Variants in STX2 observed in about 807,000 individuals in gnomAD.
STX2 encodes syntaxin-2.
A neutral mutation model predicts 40.6 loss-of-function variants in STX2; 27 were observed. The ratio of observed to expected loss-of-function variants is 0.66; its 90% confidence interval spans 0.49 to 0.92. The LOEUF (loss-of-function observed/expected upper bound fraction) is 0.92, where lower values mean the gene tolerates loss of function less well. Ranked by LOEUF, STX2 falls within the 40% of genes least tolerant of loss-of-function variation. The pLI, the probability that STX2 is intolerant of heterozygous loss-of-function variation, is 0.00. For synonymous variants in STX2, 123 were observed against 119.1 expected, an observed-to-expected ratio of 1.03 and a Z score of -0.22; for missense variants, 328 against 366.1, an observed-to-expected ratio of 0.90 and a Z score of 0.85.
chr12:130,798,222 C>A (rs1951093055), intron 9 of STX2, among the ~76,000 whole-genome samples: 1 of 146,188 alleles, frequency 6.8e-6, no homozygotes, highest in Non-Finnish European at 1.5e-5. Context: ...ACTCTACTAG[C>A]CTGGGCAACA....
chr12:130,803,463 T>C (rs1951302418), intron 6 of STX2, among the ~76,000 whole-genome samples: 1 of 151,964 alleles, frequency 6.6e-6, no homozygotes, highest in Non-Finnish European at 1.5e-5. Flanking sequence ...TCATCAAAAC[T>C]AGAAATTTCA....
intron 3 of STX2, among the ~76,000 whole-genome samples, chr12:130,815,708 C>T (rs1951831977): frequency 1.3e-5 from 2 of 152,316 alleles, no homozygotes; most frequent in Admixed American, 6.5e-5. Flanking sequence ...ATCACAGCAC[C>T]TCATCAGCTT....
intron 9 of STX2, among the ~76,000 whole-genome samples, chr12:130,796,406 A>G (rs1397294457): frequency 6.6e-6 from 1 of 152,164 alleles, no homozygotes; most frequent in African/African-American, 2.4e-5. Context: ...GAATCACTTG[A>G]ACCCAGGAGG....
intron 10 of STX2, among the ~76,000 whole-genome samples, chr12:130,795,561 C>T (rs963887285): frequency 6.6e-6 from 1 of 152,018 alleles, no homozygotes; most frequent in Non-Finnish European, 1.5e-5. Context: ...AGAGAGTTCT[C>T]GTCTCTACTA....
At chr12:130,821,490 T>C (rs1952111305) in intron 3 of STX2, among the ~76,000 whole-genome samples, 199 bp downstream of exon 3, 1 of 152,002 alleles carries the variant, frequency 6.6e-6, no homozygotes, top group Non-Finnish European at 1.5e-5. Flanking sequence ...ACTAGAATCA[T>C]ACAGGCAGCT....
chr12:130,833,684 T>A (rs1952657333), intron 1 of STX2, among the ~76,000 whole-genome samples: 1 of 152,160 alleles, frequency 6.6e-6, no homozygotes, highest in Non-Finnish European at 1.5e-5. Flanking sequence ...GTAGTGGGAT[T>A]ACAGGCGTGA....
intron 1 of STX2, among the ~76,000 whole-genome samples, chr12:130,828,460 G>A (rs1266900024): frequency 4.4e-5 from 6 of 135,906 alleles, no homozygotes; most frequent in East Asian, 4.4e-4. Flanking sequence ...GGCTGGTTTC[G>A]AACTCCTGAG....
chr12:130,789,743 T>A lies in STX2; in HGVS notation c.*2280A>T, dbSNP rs540789936. The stretch of plus-strand genomic sequence containing the variant: ...AAACATGAAATATTTGAAGAACCGA[T>A]TAAAAAGTCTCAAGTGAATCTGTAA... On this transcript the variant is annotated 3_prime_UTR_variant, in exon 11 of 11. Transcript: ENST00000392373. 5.9e-5 allele frequency: 9 copies of A among 152,736 alleles called. No homozygotes were observed. Among genetic ancestry groups the A allele is most frequent in the African/African-American group, 2.2e-4 (9 of 41,578 alleles). The allele number at this position is 152,736 out of a possible 1,614,324, so 9.5% of individuals were successfully genotyped here.
Position 130,838,949 on chromosome 12 carries a change from C to G in STX2, c.30+121G>C. On this transcript the variant is annotated intron_variant, in intron 1 of 10. Transcript: ENST00000392373. ...CCTGCCCGCAGCCCCCGCCCCAGAA[C>G]GCCGGAGATCCCCGCCCTGGGGACC... 7 of 1,027,280 alleles carry G rather than the reference C, an allele frequency of 6.8e-6. No homozygotes were observed. In the South Asian group the frequency reaches 2.1e-4, roughly 31 times the overall value. 63.6% of individuals were successfully genotyped at this position (1,027,280 alleles called of 1,614,324 possible).
chr12:130,815,444 AC>A (rs1951823942), intron 3 of STX2, among the ~76,000 whole-genome samples: 1 of 152,232 alleles, frequency 6.6e-6, no homozygotes, highest in Non-Finnish European at 1.5e-5. Context: ...CACATCACCC[AC>A]TGGCCTGCAT....
At chr12:130,836,479 G>A (rs1446960698) in intron 1 of STX2, among the ~76,000 whole-genome samples, 2 of 152,142 alleles carry the variant, frequency 1.3e-5, no homozygotes, top group African/African-American at 4.8e-5. Context: ...TTGCCATGTT[G>A]CCCAGGCTGG....
chr12:130,812,431 A>G (rs1300665483), intron 4 of STX2: 1 of 447,040 alleles, frequency 2.2e-6, no homozygotes, highest in Admixed American at 2.5e-5. Flanking sequence ...CTGCTTCTGC[A>G]CACATCTGAA....
intron 3 of STX2, among the ~76,000 whole-genome samples, chr12:130,815,178 T>C (rs1296826713): frequency 4.6e-5 from 7 of 152,238 alleles, no homozygotes; most frequent in African/African-American, 1.7e-4. Context: ...GATTCTCCTC[T>C]GTGAACATGT....
chr12:130,817,654 C>T (rs574735146), intron 3 of STX2, among the ~76,000 whole-genome samples: 2 of 152,026 alleles, frequency 1.3e-5, no homozygotes, highest in South Asian at 4.2e-4. Flanking sequence ...CTCAAAACTT[C>T]ACAGTAAAAC....
In STX2 at chr12:130,812,745, T is replaced by C. The variant is rs186448552; in HGVS notation, c.280+212A>G. On this transcript the variant is annotated intron_variant, in intron 4 of 10. Transcript: ENST00000392373. ...AACATCTGCAACTTAGCCTGAAATG[T>C]CATCAAAAATGTAACAGTATAACAG... The C allele has an allele frequency of 1.4e-3, 594 of 426,180 alleles. 1 individual carries two copies. Among genetic ancestry groups the C allele is most frequent in the Middle Eastern group, 5.7e-3 (9 of 1,572 alleles). The allele number at this position is 426,180 out of a possible 1,614,324, so 26.4% of individuals were successfully genotyped here. A position where few individuals can be genotyped will look rare whatever the true frequency, so the allele number is the denominator to read the frequency against.
At position 130,803,937 on chromosome 12, in the gene STX2, C is replaced by T. The variant is rs550633195; in HGVS notation, c.464-2449G>A. On this transcript the variant is annotated intron_variant, in intron 6 of 10. Coordinates refer to ENST00000392373, the MANE Select transcript of STX2 (RefSeq NM_194356.4). ...GGCTATTTATAATCTTAACTCCTCC[C>T]CCTTACTGTGAATACTCACATTTCA... is the stretch of plus-strand genomic sequence containing the variant. Among the ~76,000 whole-genome samples the T allele has an allele frequency of 8.5e-5, 13 of 152,296 alleles. No individual in the cohort carries two copies. The South Asian group carries it at 2.5e-3, about 29-fold the overall frequency.
rs1481079578 is a variant in STX2, at chr12:130,791,808, C to T, written c.*215G>A. 8.0e-6 allele frequency: 9 copies of T among 1,125,760 alleles called. No homozygotes were observed. The highest frequency in any genetic ancestry group is 9.4e-6 in the Non-Finnish European group (7 of 746,558). 69.7% of individuals were successfully genotyped at this position (1,125,760 alleles called of 1,614,324 possible). A position where few individuals can be genotyped will look rare whatever the true frequency, so the allele number is the denominator to read the frequency against. ...GTCAGCACTCGATGCCGGGTTACAG[C>T]GTCTGAGATTCATTCACGAAATGAC... On this transcript the variant is annotated 3_prime_UTR_variant, in exon 11 of 11. Coordinates refer to ENST00000392373, the MANE Select transcript of STX2 (RefSeq NM_194356.4).
chr12:130,837,123 T>A (rs1462293145), intron 1 of STX2, among the ~76,000 whole-genome samples: 6 of 148,650 alleles, frequency 4.0e-5, no homozygotes, highest in African/African-American at 1.2e-4. Flanking sequence ...TTTTTTTTTT[T>A]ATGAGACAAT....
chr12:130,837,246 A>C (rs1952781182), intron 1 of STX2, among the ~76,000 whole-genome samples: 1 of 151,898 alleles, frequency 6.6e-6, no homozygotes, highest in African/African-American at 2.4e-5. Context: ...CTGAGTACCA[A>C]GGACTACAGG....
Sources: gnomAD v4.1 joint callset for allele counts (sites outside exome capture counted in the v4.1 genomes callset) on GRCh38, gnomAD v4.1.1 for gene constraint, MANE v1.5 for transcripts, NCBI Gene and HGNC (gene_info 2026-07-23, HGNC 2026-07-21) for gene names.